Variants in KIDINS220 observed in about 807,000 individuals in gnomAD.
KIDINS220 encodes the protein kinase D interacting substrate 220.
A neutral mutation model predicts 157.6 loss-of-function variants in KIDINS220; 63 were observed. The observed-to-expected ratio is 0.40, with a 90% confidence interval of 0.33 to 0.49. The LOEUF (loss-of-function observed/expected upper bound fraction) is 0.49. Ranked by LOEUF, KIDINS220 falls within the 20% of genes least tolerant of loss-of-function variation. The pLI is 0.66. For missense variants in KIDINS220, 1,772 were observed against 2,171.2 expected, an observed-to-expected ratio of 0.82 and a Z score of 3.65; for synonymous variants, 732 against 783.6, an observed-to-expected ratio of 0.93 and a Z score of 1.10.
At chr2:8,803,990 C>T (rs1158850213) in intron 7 of KIDINS220, among the ~76,000 whole-genome samples, 2 of 152,224 alleles carry the variant, frequency 1.3e-5, no homozygotes, top group African/African-American at 4.8e-5. Context: ...CAAAATTGAG[C>T]TGTCATTCTC....
At chr2:8,748,777 G>A (rs943622439) in intron 24 of KIDINS220, among the ~76,000 whole-genome samples, 1 of 152,072 alleles carries the variant, frequency 6.6e-6, no homozygotes, top group Non-Finnish European at 1.5e-5. Context: ...ACAGCAAAAA[G>A]TAGCTAGATT....
chr2:8,824,639 C>T (rs1002877856), intron 2 of KIDINS220, among the ~76,000 whole-genome samples: 5 of 152,068 alleles, frequency 3.3e-5, no homozygotes, highest in African/African-American at 1.2e-4. Flanking sequence ...CTGATTCTGC[C>T]ACTGCACTCC....
Position 8,827,724 on chromosome 2 carries a change from T to C in KIDINS220, c.-36-595A>G, listed in dbSNP as rs145008699. ...ATAAATAATTAAGTATGGGAGGTGA[T>C]GAATATGTTAATTAGCCTGATTTGA... On this transcript the variant is annotated intron_variant, in intron 1 of 29. Transcript: ENST00000256707. Among the ~76,000 whole-genome samples the C allele has an allele frequency of 1.4e-3, 218 of 152,330 alleles. 1 individual carries two copies. Among genetic ancestry groups the C allele is most frequent in the African/African-American group, 5.0e-3 (208 of 41,578 alleles).
Position 8,733,467 on chromosome 2 carries a change from G to A in KIDINS220, c.4030C>T (p.Arg1344Cys), listed in dbSNP as rs752925928. 2.3e-5 allele frequency: 37 copies of A among 1,613,662 alleles called. No individual in the cohort carries two copies. The highest frequency in any genetic ancestry group is 1.6e-4 in the Middle Eastern group (1 of 6,084). ...NTLGLDEGAP[R>C]HSNLSWQSQT... ...ACCTGCCAACTTAGATTACTGTGAC[G>A]AGGGGCACCTTCATCCAGGCCAAGC... The change falls in exon 29 of 30, where the codon CGT (arginine) becomes TGT (cysteine). Residue 1344 changes from arginine to cysteine, a missense_variant. Transcript: ENST00000256707.
chr2:8,791,921 G>T (rs1201225498), intron 12 of KIDINS220, among the ~76,000 whole-genome samples: 1 of 152,094 alleles, frequency 6.6e-6, no homozygotes, highest in African/African-American at 2.4e-5. Flanking sequence ...AAGGGTAGTT[G>T]CCACTGGAGA....
At chr2:8,822,533 T>C (rs1678140018) in intron 2 of KIDINS220, among the ~76,000 whole-genome samples, 1 of 152,066 alleles carries the variant, frequency 6.6e-6, no homozygotes, top group South Asian at 2.1e-4. Context: ...GTGGCTGAGA[T>C]GGAAGGATTG....
rs376048359 is a variant in KIDINS220, at chr2:8,773,261, C to T, written c.2849-2429G>A. Among the ~76,000 whole-genome samples the T allele has an allele frequency of 2.4e-4, 36 of 152,268 alleles. 1 individual carries two copies. In the South Asian group the frequency reaches 7.5e-3, roughly 32 times the overall value. On this transcript the variant is annotated intron_variant, in intron 21 of 29. Transcript: ENST00000256707. Reference sequence around the variant, plus strand: ...CAGAATAATATTAGAGAAATTCGTACATTTGAAATGTGGCTTTAGGAAGAT... The same window carrying T: ...CAGAATAATATTAGAGAAATTCGTATATTTGAAATGTGGCTTTAGGAAGAT...
In KIDINS220 at chr2:8,754,468, T is replaced by C. The variant is rs969714454; in HGVS notation, c.3012-2824A>G. On this transcript the variant is annotated intron_variant, in intron 22 of 29. Transcript: ENST00000256707. ...CTTCACTTTTCAGTTAAGAGTGAAT[T>C]TGAATTTCCAGCATTATGAATCATG... Among the ~76,000 whole-genome samples, 11 of 152,246 alleles carry C rather than the reference T, an allele frequency of 7.2e-5. No homozygotes were observed. In the South Asian group the frequency reaches 1.9e-3, roughly 26 times the overall value.
At chr2:8,783,922 T>C (rs1315565555) in intron 17 of KIDINS220, among the ~76,000 whole-genome samples, 2 of 152,046 alleles carry the variant, frequency 1.3e-5, no homozygotes, top group Middle Eastern at 3.4e-3. Flanking sequence ...TCAAGGTGAA[T>C]CAAAAGTTCA....
rs765801531 is a variant in KIDINS220, at chr2:8,800,412, G to A, written c.888C>T (p.Asp296=). The A allele has an allele frequency of 1.2e-6, 2 of 1,610,778 alleles. No homozygotes were observed. The highest frequency in any genetic ancestry group is 1.7e-6 in the Non-Finnish European group (2 of 1,177,712). The change falls in exon 9 of 30, where the codon GAC becomes GAT. Residue 296 remains aspartate, a synonymous_variant. Coordinates refer to ENST00000256707, the MANE Select transcript of KIDINS220 (RefSeq NM_020738.4). ...TAATCACACATACCTGTCCTCTAATGTCTATATCAGCATATTTTTGGAGAA... is the reference window on the plus strand; with the variant it reads ...TAATCACACATACCTGTCCTCTAATATCTATATCAGCATATTTTTGGAGAA... ...RALLQKYADI[D]IRGQDNKTAL... is the part of the protein sequence containing the mutation.
intron 2 of KIDINS220, among the ~76,000 whole-genome samples, chr2:8,820,595 T>C (rs1677800223): frequency 6.6e-6 from 1 of 152,186 alleles, no homozygotes; most frequent in African/African-American, 2.4e-5. Context: ...TATGTAAGGA[T>C]GGATGCTAAA....
At chr2:8,773,828 C>T (rs767425728) in intron 21 of KIDINS220, among the ~76,000 whole-genome samples, 16 of 152,126 alleles carry the variant, frequency 1.1e-4, no homozygotes, top group Admixed American at 3.9e-4. Flanking sequence ...CAAAGTGCAA[C>T]CACACTGGCC....
chr2:8,791,300 C>T, intron 12 of KIDINS220, 76 bp from the exon 13 acceptor site: 1 of 1,326,252 alleles, frequency 7.5e-7, no homozygotes, highest in Admixed American at 2.0e-5. Context: ...TTCATTGTTT[C>T]CTTGATTAGA....
rs140934995 is a variant in KIDINS220 at position 8,729,145 on chromosome 2, A to G, written c.*1575T>C. On this transcript the variant is annotated 3_prime_UTR_variant, in exon 30 of 30. Transcript: ENST00000256707. The stretch of plus-strand genomic sequence containing the variant: ...GTTAAGACTTCAGTGTATAATGTCA[A>G]TAACATCCTGCCTTTTTAAAATTGC... The G allele has an allele frequency of 6.5e-3, 6,366 of 984,440 alleles. 323 individuals carry two copies. The African/African-American group carries it at 0.1, about 16-fold the overall frequency. The allele number at this position is 984,440 out of a possible 1,614,324, so 61.0% of individuals were successfully genotyped here. A position where few individuals can be genotyped will look rare whatever the true frequency, so the allele number is the denominator to read the frequency against.
In KIDINS220 at chr2:8,812,460, T is replaced by A. The variant is rs1192040382; in HGVS notation, c.439A>T (p.Arg147Ter). The A allele has an allele frequency of 6.3e-7, 1 of 1,598,066 alleles. No individual in the cohort carries two copies. Among genetic ancestry groups the A allele is most frequent in the Non-Finnish European group, 8.5e-7 (1 of 1,172,084 alleles). The change falls in exon 6 of 30, where the codon AGA becomes TGA. Residue 147 changes from arginine to a stop codon, truncating the protein, a stop_gained. Transcript: ENST00000256707. LOFTEE classifies it high-confidence loss of function. The part of the protein sequence containing the change: ...SVYPIIWAAG[R>*]GHADIVHLLL... ...AGATGAACTATATCTGCATGGCCTCTCCCTGCTGCCCAAATGATTGGGTAA... is the reference window on the plus strand; with the variant it reads ...AGATGAACTATATCTGCATGGCCTCACCCTGCTGCCCAAATGATTGGGTAA...
chr2:8,821,500 C>G (rs1422001344), intron 2 of KIDINS220, among the ~76,000 whole-genome samples: 1 of 152,206 alleles, frequency 6.6e-6, no homozygotes, highest in Non-Finnish European at 1.5e-5. Context: ...AGTGCTGGAG[C>G]TTTTGCTACA....
intron 22 of KIDINS220, chr2:8,757,756 G>T (rs1292158403): frequency 1.2e-6 from 2 of 1,611,682 alleles, no homozygotes; most frequent in East Asian, 4.5e-5. Flanking sequence ...ATGCCAATTC[G>T]GTCTCGGTCA....
At chr2:8,751,378 G>T in intron 23 of KIDINS220, 88 bp downstream of exon 23, 1 of 1,144,446 alleles carries the variant, frequency 8.7e-7, no homozygotes, top group South Asian at 1.4e-5. Flanking sequence ...GTTTTTCATA[G>T]AGCAGGAGAA....
At chr2:8,774,448 G>C (rs775796648) in intron 21 of KIDINS220, among the ~76,000 whole-genome samples, 1 of 152,074 alleles carries the variant, frequency 6.6e-6, no homozygotes, top group Non-Finnish European at 1.5e-5. Context: ...TTTTTCTGTT[G>C]AGTAAAACAA....
Sources: allele counts gnomAD v4.1 joint callset (sites outside exome capture counted in the v4.1 genomes callset), GRCh38; gene constraint gnomAD v4.1.1; transcripts MANE v1.5; gene names NCBI Gene and HGNC (gene_info 2026-07-23, HGNC 2026-07-21).